IFT88: variants seen among roughly 807,000 people sequenced by gnomAD.
IFT88 encodes the protein intraflagellar transport 88, also known as intraflagellar transport protein 88 homolog.
IFT88 carries 74 observed loss-of-function variants against 119.5 expected under a neutral mutation model. The ratio of observed to expected loss-of-function variants is 0.62; its 90% CI spans 0.51 to 0.75. The LOEUF (loss-of-function observed/expected upper bound fraction) is 0.75, where lower values mean the gene tolerates loss of function less well. Among genes scored for constraint, IFT88 ranks in the 30% least tolerant of loss-of-function variants. The probability of loss-of-function intolerance (pLI) is 0.00; values close to 1 mark genes in which losing one functional copy is unlikely to be tolerated. For synonymous variants in IFT88, 279 were observed against 316.7 expected (o/e 0.88, Z 1.26); for missense variants, 961 against 977.7 (o/e 0.98, Z 0.23).
chr13:20,567,998 G>C, intron 1 of IFT88: 1 of 713,274 alleles, frequency 1.4e-6, no homozygotes, highest in Non-Finnish European at 2.6e-6. Flanking sequence ...AAACACTAAG[G>C]TAGCCGATGA....
At chr13:20,637,653 CAG>C (rs2049223807) in intron 16 of IFT88, among the ~76,000 whole-genome samples, 1 of 152,204 alleles carries the variant, frequency 6.6e-6, no homozygotes, top group Non-Finnish European at 1.5e-5. Context: ...ACTTCTGTGT[CAG>C]ACCTGCATCT....
intron 24 of IFT88, among the ~76,000 whole-genome samples, chr13:20,680,947 C>A (rs905249107): frequency 6.6e-6 from 1 of 152,194 alleles, no homozygotes; most frequent in Non-Finnish European, 1.5e-5. Context: ...CTGCTGATAG[C>A]ATCTGGCCTT....
intron 23 of IFT88, among the ~76,000 whole-genome samples, chr13:20,666,320 A>G (rs1470579235): frequency 2.0e-5 from 3 of 152,208 alleles, no homozygotes; most frequent in African/African-American, 7.2e-5. Flanking sequence ...ATGATCCTGC[A>G]CTTGGATGTC....
At chr13:20,639,318 C>G (rs2049496086) in intron 17 of IFT88, among the ~76,000 whole-genome samples, 1 of 152,134 alleles carries the variant, frequency 6.6e-6, no homozygotes, top group Admixed American at 6.5e-5. Flanking sequence ...TGAGTGGAGT[C>G]TCTAAGTCCA....
At chr13:20,631,813 A>G (rs948370642) in intron 16 of IFT88, 2 of 152,172 alleles carry the variant, frequency 1.3e-5, no homozygotes, top group South Asian at 4.1e-4. Context: ...TCTTTTCACC[A>G]GAAAATACAG....
chr13:20,580,158 CATG>C (rs747215799), intron 2 of IFT88, among the ~76,000 whole-genome samples: 6 of 152,158 alleles, frequency 3.9e-5, no homozygotes, highest in Non-Finnish European at 8.8e-5. Context: ...AGCAGTGTCT[CATG>C]ATACTAAATA....
chr13:20,592,185 A>G (rs1398457865), intron 6 of IFT88, 150 bp from the exon 7 acceptor site: 5 of 648,262 alleles, frequency 7.7e-6, no homozygotes, highest in African/African-American at 1.9e-5. Context: ...GTTTATGTAG[A>G]CACAATGTTA....
intron 19 of IFT88, 104 bp from the exon 20 acceptor site, chr13:20,644,739 G>GA (rs2050478523): frequency 1.7e-6 from 1 of 587,750 alleles, no homozygotes; most frequent in Middle Eastern, 4.5e-4. Context: ...CCTTTATTAA[G>GA]AAATTCCATA....
At chr13:20,679,171 T>C (rs2057039929) in intron 24 of IFT88, among the ~76,000 whole-genome samples, 1 of 152,234 alleles carries the variant, frequency 6.6e-6, no homozygotes, top group East Asian at 1.9e-4. Context: ...TCCAATCACA[T>C]TGTAACTGCA....
intron 15 of IFT88, 58 bp from the exon 16 acceptor site, chr13:20,630,958 A>G (rs909767900): frequency 1.8e-6 from 2 of 1,117,766 alleles, no homozygotes; most frequent in African/African-American, 1.5e-5. Flanking sequence ...TTCCCCGACC[A>G]TAAGCTTGAG....
Position 20,591,039 on chromosome 13 carries a change from T to C in IFT88, c.264+19T>C. The C allele has an allele frequency of 6.3e-7, 1 of 1,575,184 alleles. No individual in the cohort carries two copies. Among genetic ancestry groups the C allele is most frequent in the South Asian group, 1.2e-5 (1 of 85,802 alleles). On this transcript the variant is annotated intron_variant, in intron 5 of 25. Coordinates refer to ENST00000351808, the MANE Select transcript of IFT88 (RefSeq NM_006531.5). ...TATTCAGGTATCTCTATTGGATGCATGTTCATTTTGTGCCTTTCTTGTGAC... is the reference window on the plus strand; with the variant it reads ...TATTCAGGTATCTCTATTGGATGCACGTTCATTTTGTGCCTTTCTTGTGAC...
In IFT88 at chr13:20,670,842, T is replaced by G. The variant is rs181971363; in HGVS notation, c.2176-131T>G. ...AGGCTTTTTTTTTTTTTCTATAGAA[T>G]CAACTCTCAGGTATGATGGGTTAGT... On this transcript the variant is annotated intron_variant, in intron 23 of 25. Transcript: ENST00000351808. 2.9e-5 allele frequency: 14 copies of G among 482,306 alleles called. No homozygotes were observed. The East Asian group carries it at 3.4e-4, about 12-fold the overall frequency. The allele number at this position is 482,306 out of a possible 1,614,324, so 29.9% of individuals were successfully genotyped here. A position where few individuals can be genotyped will look rare whatever the true frequency, so the allele number is the denominator to read the frequency against.
chr13:20,680,015 C>G (rs1014053408), intron 24 of IFT88, among the ~76,000 whole-genome samples: 2 of 152,160 alleles, frequency 1.3e-5, no homozygotes, highest in Non-Finnish European at 2.9e-5. Context: ...AATAATGACT[C>G]CATATGAATC....
At chr13:20,620,806 G>A (rs900451219) in intron 14 of IFT88, among the ~76,000 whole-genome samples, 6 of 152,108 alleles carry the variant, frequency 3.9e-5, no homozygotes, top group African/African-American at 1.4e-4. Flanking sequence ...TGGGATGATA[G>A]ACGTGAGTCA....
In IFT88 at chr13:20,630,954, G is replaced by A. The variant is rs754498143; in HGVS notation, c.1300-62G>A. 3.8e-5 allele frequency: 41 copies of A among 1,073,010 alleles called. 2 individuals carry two copies. The highest frequency in any genetic ancestry group is 9.6e-5 in the East Asian group (4 of 41,822). The allele number at this position is 1,073,010 out of a possible 1,614,324, so 66.5% of individuals were successfully genotyped here. ...CTTCAGGAACACTGATCTTTTCCCC[G>A]ACCATAAGCTTGAGTACTGTCATAT... On this transcript the variant is annotated intron_variant, in intron 15 of 25. Coordinates refer to ENST00000351808, the MANE Select transcript of IFT88 (RefSeq NM_006531.5).
intron 5 of IFT88, 26 bp from the exon 6 acceptor site, chr13:20,591,592 A>G (rs777696717): frequency 1.2e-5 from 19 of 1,569,180 alleles, no homozygotes; most frequent in Admixed American, 3.4e-5. Context: ...TTATTTAAGA[A>G]TAAATGATTC....
intron 17 of IFT88, among the ~76,000 whole-genome samples, chr13:20,641,076 G>C (rs1484407145): frequency 6.6e-6 from 1 of 152,188 alleles, no homozygotes; most frequent in Non-Finnish European, 1.5e-5. Flanking sequence ...GAGCCTGGGA[G>C]GTCGAGGCTG....
intron 21 of IFT88, among the ~76,000 whole-genome samples, chr13:20,655,333 G>A (rs553812579): frequency 1.2e-4 from 18 of 151,768 alleles, no homozygotes; most frequent in African/African-American, 3.6e-4. Context: ...TCGGGAGGCT[G>A]AGGCAGGAGA....
chr13:20,658,014 A>G (rs535824091), intron 22 of IFT88, among the ~76,000 whole-genome samples: 1 of 152,010 alleles, frequency 6.6e-6, no homozygotes, highest in African/African-American at 2.4e-5. Flanking sequence ...TCCAATGCTG[A>G]TTAGAAGTAG....
Sources: gnomAD v4.1 joint callset for allele counts (sites outside exome capture counted in the v4.1 genomes callset) on GRCh38, gnomAD v4.1.1 for gene constraint, MANE v1.5 for transcripts, NCBI Gene and HGNC (gene_info 2026-07-23, HGNC 2026-07-21) for gene names.